Variants in IL1RAPL1 observed in about 807,000 individuals in gnomAD.
IL1RAPL1 encodes the protein interleukin 1 receptor accessory protein like 1.
A neutral mutation model predicts 48.4 loss-of-function variants in IL1RAPL1; 3 were observed. The observed-to-expected ratio is 0.06, with a 90% CI of 0.03 to 0.16. The LOEUF (loss-of-function observed/expected upper bound fraction) is 0.16. Ranked by LOEUF, IL1RAPL1 falls within the 10% of genes least tolerant of loss-of-function variation. The pLI, the probability that IL1RAPL1 is intolerant of heterozygous loss-of-function variation, is 1.00. For synonymous variants in IL1RAPL1, 185 were observed against 187.7 expected (o/e 0.99, Z 0.12); for missense variants, 349 against 530.6 (o/e 0.66, Z 3.36).
chrX:29,037,864 A>G (rs1926763265), intron 2 of IL1RAPL1, among the ~76,000 whole-genome samples: 1 of 111,863 alleles, frequency 8.9e-6, no homozygotes, highest in African/African-American at 3.3e-5. Context: ...TTAAGAAGAC[A>G]CAATTAGGTC....
chrX:29,747,374 T>A (rs981362895), intron 6 of IL1RAPL1, among the ~76,000 whole-genome samples: 1 of 112,752 alleles, frequency 8.9e-6, no homozygotes. Context: ...TAACAGTAAA[T>A]TCCAAATACT....
chrX:29,596,490 C>A (rs1408266700), intron 5 of IL1RAPL1, among the ~76,000 whole-genome samples: 1 of 111,745 alleles, frequency 8.9e-6, no homozygotes, highest in Non-Finnish European at 1.9e-5. Flanking sequence ...TTTTTTGCAG[C>A]TTTTGTGAAA....
In IL1RAPL1 at chrX:29,041,066, T is replaced by C. The variant is rs747867577; in HGVS notation, c.83-241872T>C. On this transcript the variant is annotated intron_variant, in intron 2 of 10. Coordinates refer to ENST00000378993, the MANE Select transcript of IL1RAPL1 (RefSeq NM_014271.4). ...AGAGTGTATGAATCCTTCTTAATGA[T>C]AGCTGTGTTATCATGTTTCCTCATA... 2.7e-5 allele frequency among the ~76,000 whole-genome samples: 3 copies of C among 112,308 alleles called. No individual in the cohort carries two copies. In the South Asian group the frequency reaches 1.1e-3, roughly 41 times the overall value.
intron 6 of IL1RAPL1, among the ~76,000 whole-genome samples, chrX:29,781,652 T>G (rs1929338490): frequency 8.9e-6 from 1 of 112,076 alleles, no homozygotes; most frequent in Admixed American, 9.5e-5. Flanking sequence ...AGGTCACTAC[T>G]TTCGAACTTC....
chrX:29,915,298 G>A (rs1932789166), intron 6 of IL1RAPL1, among the ~76,000 whole-genome samples: 1 of 111,512 alleles, frequency 9.0e-6, no homozygotes, highest in Non-Finnish European at 1.9e-5. Context: ...CTCTGTCTCT[G>A]GGTTTAGGGG....
chrX:28,953,560 A>G (rs760939989), intron 2 of IL1RAPL1, among the ~76,000 whole-genome samples: 1 of 111,571 alleles, frequency 9.0e-6, no homozygotes. Flanking sequence ...TACATACATT[A>G]CAAAGTAATA....
rs926115999 is a variant in IL1RAPL1, at chrX:29,956,676, T to A, written c.*856T>A. ...CCTTATATATATATACATATATATA[T>A]AAATATAAATATATATAAAAACAAC... On this transcript the variant is annotated 3_prime_UTR_variant, in exon 11 of 11. Transcript: ENST00000378993. 21 of 68,091 alleles carry A rather than the reference T, an allele frequency of 3.1e-4. No homozygotes were observed. Among genetic ancestry groups the A allele is most frequent in the African/African-American group, 1.1e-3 (20 of 18,078 alleles). 5.6% of individuals were successfully genotyped at this position (68,091 alleles called of 1,213,427 possible).
At chrX:29,947,735 T>C (rs1406662463) in intron 9 of IL1RAPL1, among the ~76,000 whole-genome samples, 1 of 106,362 alleles carries the variant, frequency 9.4e-6, no homozygotes, top group Non-Finnish European at 1.9e-5. Flanking sequence ...AAAAACCTTA[T>C]AGGGATTTTT....
In IL1RAPL1 at chrX:29,668,461, G is replaced by A. The variant is rs769905082; in HGVS notation, c.735G>A (p.Leu245=). ...APLTDKPPKL[L]YPMESKLTIQ... Reference sequence around the variant, plus strand: ...TGACTGATAAGCCACCCAAGCTTTTGTATCCTATGGAAAGTAAACTGACAA... The same window carrying A: ...TGACTGATAAGCCACCCAAGCTTTTATATCCTATGGAAAGTAAACTGACAA... Residue 245 remains leucine, a synonymous_variant, in exon 6 of 11, where the codon TTG becomes TTA. Transcript: ENST00000378993. 5.8e-6 allele frequency: 7 copies of A among 1,209,644 alleles called. No individual in the cohort carries two copies. The highest frequency in any genetic ancestry group is 3.5e-5 in the South Asian group (2 of 56,913).
At chrX:29,194,362 A>G (rs1476771190) in intron 2 of IL1RAPL1, among the ~76,000 whole-genome samples, 1 of 112,703 alleles carries the variant, frequency 8.9e-6, no homozygotes, top group East Asian at 2.8e-4. Flanking sequence ...AATGATTTAT[A>G]CAGTGTATTA....
chrX:28,842,008 T>C (rs760680225), intron 2 of IL1RAPL1, among the ~76,000 whole-genome samples: 1 of 111,018 alleles, frequency 9.0e-6, no homozygotes, highest in Admixed American at 9.6e-5. Flanking sequence ...AAGTGCATTA[T>C]GTAGGGAAAA....
chrX:29,444,522 C>G lies in IL1RAPL1; in HGVS notation c.703+45214C>G, dbSNP rs781588436. 4.6e-5 allele frequency among the ~76,000 whole-genome samples: 5 copies of G among 109,362 alleles called. No individual in the cohort carries two copies. In the South Asian group the frequency reaches 1.2e-3, roughly 26 times the overall value. The allele number at this position is 109,362 out of a possible 115,157, so 95.0% of individuals were successfully genotyped here. A position where few individuals can be genotyped will look rare whatever the true frequency, so the allele number is the denominator to read the frequency against. ...CCTGGAATCAGACCATCCTGGACAA[C>G]AGAAAACAGAAAAAACCTATCACAC... is the stretch of plus-strand genomic sequence containing the variant. On this transcript the variant is annotated intron_variant, in intron 5 of 10. Transcript: ENST00000378993.
chrX:28,790,052 T>C (rs1429463161), intron 2 of IL1RAPL1, among the ~76,000 whole-genome samples: 1 of 112,095 alleles, frequency 8.9e-6, no homozygotes, highest in Non-Finnish European at 1.9e-5. Context: ...AGTTCAATTG[T>C]ATGGGACAAT....
At chrX:29,399,401 A>C (rs1726635422) in intron 5 of IL1RAPL1, 93 bp downstream of exon 5, 2 of 715,589 alleles carry the variant, frequency 2.8e-6, no homozygotes, top group Admixed American at 5.3e-5. Context: ...TACTCTCTAA[A>C]GAATTACATA....
intron 2 of IL1RAPL1, among the ~76,000 whole-genome samples, chrX:29,197,900 G>A (rs1930477265): frequency 9.1e-6 from 1 of 109,876 alleles, no homozygotes; most frequent in African/African-American, 3.3e-5. Context: ...GTAGAGACAG[G>A]GTTTCTCTGT....
At chrX:29,929,503 G>C (rs958527080) in intron 8 of IL1RAPL1, among the ~76,000 whole-genome samples, 1 of 111,617 alleles carries the variant, frequency 9.0e-6, no homozygotes, top group Admixed American at 9.6e-5. Flanking sequence ...CCTCAATTTT[G>C]CCAATTTTGA....
At position 28,779,634 on chromosome X, in the gene IL1RAPL1, G is replaced by GTATATA. The variant is rs1183080798; in HGVS notation, c.-24-9647_-24-9642dup. Among the ~76,000 whole-genome samples, 152 of 38,150 alleles carry GTATATA rather than the reference G, an allele frequency of 4.0e-3. 1 individual carries two copies. Among genetic ancestry groups the GTATATA allele is most frequent in the Non-Finnish European group, 4.8e-3 (106 of 22,266 alleles). The allele number at this position is 38,150 out of a possible 115,157, so 33.1% of individuals were successfully genotyped here. On this transcript the variant is annotated intron_variant, in intron 1 of 10. Coordinates refer to ENST00000378993, the MANE Select transcript of IL1RAPL1 (RefSeq NM_014271.4). ...GATACTATTATGTGTGTGTGTGTGT[G>GTATATA]TATATATATATATATATATATATAT... is the stretch of plus-strand genomic sequence containing the variant.
chrX:29,496,469 CTTTTTT>C (rs60141942), intron 5 of IL1RAPL1, among the ~76,000 whole-genome samples: 876 of 73,263 alleles, frequency 0.012, 13 homozygotes, highest in African/African-American at 0.044. Context: ...TTTCTTATTC[CTTTTTT>C]TTTTTTTTTT....
intron 2 of IL1RAPL1, among the ~76,000 whole-genome samples, chrX:28,861,896 T>C (rs757373445): frequency 9.0e-6 from 1 of 111,411 alleles, no homozygotes; most frequent in African/African-American, 3.3e-5. Flanking sequence ...ACCTAGATCA[T>C]AGAATAATAT....
Sources: gnomAD v4.1 joint callset for allele counts (sites outside exome capture counted in the v4.1 genomes callset) on GRCh38, gnomAD v4.1.1 for gene constraint, MANE v1.5 for transcripts, NCBI Gene and HGNC (gene_info 2026-07-23, HGNC 2026-07-21) for gene names.